Variants in SNX18 observed in about 807,000 individuals in gnomAD.
SNX18 encodes the protein sorting nexin-18.
Under a neutral mutation model 48.7 loss-of-function variants are expected in SNX18, and 35 were observed. The observed-to-expected ratio is 0.72, with a 90% CI of 0.55 to 0.95. The LOEUF is 0.95. Ranked by LOEUF, SNX18 falls within the 40% of genes least tolerant of loss-of-function variation. SNX18 has a pLI of 0.00. For synonymous variants in SNX18, 492 were observed against 384.7 expected, an observed-to-expected ratio of 1.28 and a Z score of -3.26; for missense variants, 824 against 871.0, an observed-to-expected ratio of 0.95 and a Z score of 0.68.
At chr5:54,613,256 G>A in the SNX18 span, among the ~76,000 whole-genome samples, 18,319 of 151,890 alleles carry the variant, frequency 0.12, 1,177 homozygotes, top group Middle Eastern at 0.18. Context: ...CTGAAACTAC[G>A]TAATTTATAA....
chr5:54,558,970 T>C, the SNX18 span, among the ~76,000 whole-genome samples: 4 of 151,776 alleles, frequency 2.6e-5, no homozygotes, highest in Non-Finnish European at 5.9e-5. Flanking sequence ...TGACTGTATA[T>C]TCACAATTGC....
chr5:54,574,998 C>T, the SNX18 span, among the ~76,000 whole-genome samples: 1 of 152,164 alleles, frequency 6.6e-6, no homozygotes, highest in Non-Finnish European at 1.5e-5. Context: ...CCTGCCACAG[C>T]AGTGTTTTTG....
chr5:54,590,070 C>T, the SNX18 span, among the ~76,000 whole-genome samples: 2 of 152,224 alleles, frequency 1.3e-5, no homozygotes, highest in South Asian at 2.1e-4. Flanking sequence ...GTATTATAGG[C>T]GTGAGCCACT....
chr5:54,616,702 G>A, the SNX18 span, among the ~76,000 whole-genome samples: 6 of 152,062 alleles, frequency 3.9e-5, no homozygotes, highest in South Asian at 1.0e-3. Flanking sequence ...CCAGGAGGCC[G>A]ATATGGCAGT....
chr5:54,522,096 A>G lies in SNX18; in HGVS notation c.1621+2523A>G, dbSNP rs533355020. On this transcript the variant is annotated intron_variant, in intron 1 of 1. Coordinates refer to ENST00000381410, the MANE Select transcript of SNX18 (RefSeq NM_001102575.2). ...GTGAACCTGTGTCCCTGGATGACAC[A>G]TCTTTAGAAAATACTACCATTTAAA... Among the ~76,000 whole-genome samples the G allele has an allele frequency of 9.2e-5, 14 of 152,358 alleles. No homozygotes were observed. The East Asian group carries it at 2.3e-3, about 25-fold the overall frequency.
chr5:54,626,495 T>C, the SNX18 span, among the ~76,000 whole-genome samples: 1 of 152,216 alleles, frequency 6.6e-6, no homozygotes, highest in South Asian at 2.1e-4. Flanking sequence ...CCTTGTCTCA[T>C]TGTAACACCA....
At chr5:54,567,560 C>T in the SNX18 span, among the ~76,000 whole-genome samples, 1 of 152,002 alleles carries the variant, frequency 6.6e-6, no homozygotes, top group African/African-American at 2.4e-5. Flanking sequence ...AACATCAGGG[C>T]GATGTGGCAG....
At chr5:54,614,649 A>G in the SNX18 span, among the ~76,000 whole-genome samples, 2 of 152,102 alleles carry the variant, frequency 1.3e-5, no homozygotes, top group Non-Finnish European at 2.9e-5. Flanking sequence ...TCTACAAAAA[A>G]ATAAAGAAAT....
the SNX18 span, among the ~76,000 whole-genome samples, chr5:54,611,604 C>T: frequency 3.3e-5 from 5 of 152,188 alleles, no homozygotes; most frequent in Non-Finnish European, 4.4e-5. Flanking sequence ...ATCGTGTCTA[C>T]TGATTCCTAG....
rs1009018895 is a variant in SNX18 at position 54,545,798 on chromosome 5, TATC to T, written c.*2369_*2371del. On this transcript the variant is annotated 3_prime_UTR_variant, in exon 2 of 2. Transcript: ENST00000381410. ...ATGTTAAACCCAAGAGAAAAGCCATTATCATGTGTATGCTGGTCATCATGATCA... is the reference window on the plus strand; with the variant it reads ...ATGTTAAACCCAAGAGAAAAGCCATTATGTGTATGCTGGTCATCATGATCA... 3.3e-5 allele frequency: 5 copies of T among 152,196 alleles called. No individual in the cohort carries two copies. Among genetic ancestry groups the T allele is most frequent in the African/African-American group, 1.2e-4 (5 of 41,438 alleles). The allele number at this position is 152,196 out of a possible 1,614,324, so 9.4% of individuals were successfully genotyped here. A position where few individuals can be genotyped will look rare whatever the true frequency, so the allele number is the denominator to read the frequency against.
At chr5:54,625,665 T>C in the SNX18 span, among the ~76,000 whole-genome samples, 1 of 151,920 alleles carries the variant, frequency 6.6e-6, no homozygotes, top group East Asian at 1.9e-4. Context: ...AAGAGAAGAG[T>C]ACACAAGGGC....
At chr5:54,640,972 A>G in the SNX18 span, among the ~76,000 whole-genome samples, 2 of 152,172 alleles carry the variant, frequency 1.3e-5, no homozygotes, top group African/African-American at 4.8e-5. Context: ...ACATAGGAGA[A>G]CTGCTTGAAT....
At chr5:54,543,106 G>A in intron 1 of SNX18, 73 bp from the exon 2 acceptor site, 2 of 1,445,394 alleles carry the variant, frequency 1.4e-6, no homozygotes, top group Admixed American at 2.3e-5. Flanking sequence ...CCAAGATTCT[G>A]TTTAATATGT....
the SNX18 span, among the ~76,000 whole-genome samples, chr5:54,582,457 C>T: frequency 6.4e-4 from 97 of 152,046 alleles, 1 homozygote; most frequent in African/African-American, 2.2e-3. Context: ...TTTTTCTTTC[C>T]TAAATGTAGA....
chr5:54,530,177 C>T (rs962979788), intron 1 of SNX18, among the ~76,000 whole-genome samples: 12 of 152,184 alleles, frequency 7.9e-5, no homozygotes, highest in South Asian at 4.1e-4. Flanking sequence ...TAAGGACACC[C>T]GTTGTCCTAG....
the SNX18 span, among the ~76,000 whole-genome samples, chr5:54,617,608 A>G: frequency 6.6e-6 from 1 of 152,192 alleles, no homozygotes; most frequent in Non-Finnish European, 1.5e-5. Flanking sequence ...CCCTCAAGAA[A>G]CACAAGTTGT....
At chr5:54,555,236 C>T in the SNX18 span, among the ~76,000 whole-genome samples, 1 of 152,214 alleles carries the variant, frequency 6.6e-6, no homozygotes, top group Non-Finnish European at 1.5e-5. Context: ...CTGTTGTACC[C>T]GGGGTACCCG....
At chr5:54,576,632 C>T in the SNX18 span, among the ~76,000 whole-genome samples, 1 of 152,188 alleles carries the variant, frequency 6.6e-6, no homozygotes, top group Non-Finnish European at 1.5e-5. Context: ...TCCTCATTCT[C>T]CTGTCCTCAC....
At chr5:54,622,030 G>T in the SNX18 span, among the ~76,000 whole-genome samples, 8 of 152,334 alleles carry the variant, frequency 5.3e-5, no homozygotes, top group South Asian at 1.7e-3. Flanking sequence ...ATTCTGGGAC[G>T]AACCAGAGCA....
Sources: gnomAD v4.1 joint callset for allele counts (sites outside exome capture counted in the v4.1 genomes callset) on GRCh38, gnomAD v4.1.1 for gene constraint, MANE v1.5 for transcripts, NCBI Gene and HGNC (gene_info 2026-07-23, HGNC 2026-07-21) for gene names.